MEOX2: variants seen among roughly 807,000 people sequenced by gnomAD.
MEOX2 encodes mesenchyme homeobox 2.
A neutral mutation model predicts 27.0 loss-of-function variants in MEOX2; 11 were observed. That is an observed-to-expected ratio of 0.41 (90% CI 0.26 to 0.68). The LOEUF is 0.68. Ranked by LOEUF, MEOX2 falls within the 30% of genes least tolerant of loss-of-function variation. MEOX2 has a pLI of 0.33. For synonymous variants in MEOX2, 189 were observed against 155.4 expected (o/e 1.22, Z -1.61); for missense variants, 436 against 385.4 (o/e 1.13, Z -1.10).
chr7:15,629,666 G>A (rs1049958649), intron 1 of MEOX2, among the ~76,000 whole-genome samples: 5 of 152,108 alleles, frequency 3.3e-5, no homozygotes, highest in Non-Finnish European at 7.4e-5. Flanking sequence ...TACCCTTGTA[G>A]TGTGGTTTCC....
chr7:15,642,469 T>C (rs966145420), intron 1 of MEOX2, among the ~76,000 whole-genome samples: 4 of 152,194 alleles, frequency 2.6e-5, no homozygotes, highest in African/African-American at 9.6e-5. Flanking sequence ...AAAGTTTCTA[T>C]TTTGCTTTTC....
Position 15,658,750 on chromosome 7 carries a change from G to A in MEOX2, c.517+27136C>T, listed in dbSNP as rs1294875904. On this transcript the variant is annotated intron_variant, in intron 1 of 2. Transcript: ENST00000262041. The stretch of plus-strand genomic sequence containing the variant: ...TGCAAGAGAAATGGTCTCTCTGCAT[G>A]TGAGGACATAGTGAGAAGAAACCAT... 2.0e-5 allele frequency among the ~76,000 whole-genome samples: 3 copies of A among 152,294 alleles called. No individual in the cohort carries two copies. In the East Asian group the frequency reaches 5.8e-4, roughly 29 times the overall value.
At chr7:15,623,219 G>A (rs183524116) in intron 2 of MEOX2, among the ~76,000 whole-genome samples, 7 of 152,270 alleles carry the variant, frequency 4.6e-5, no homozygotes, top group African/African-American at 1.2e-4. Flanking sequence ...ACTGGGATGA[G>A]AGCCCTGGCA....
chr7:15,635,435 C>T (rs1026045871), intron 1 of MEOX2, among the ~76,000 whole-genome samples: 3 of 151,942 alleles, frequency 2.0e-5, no homozygotes, highest in African/African-American at 4.8e-5. Flanking sequence ...TAAGAGCATC[C>T]TCTCTGCTCC....
chr7:15,641,692 A>T (rs1009540585), intron 1 of MEOX2, among the ~76,000 whole-genome samples: 2 of 152,078 alleles, frequency 1.3e-5, no homozygotes, highest in East Asian at 3.9e-4. Context: ...CCAATTGTGT[A>T]ATTGCTTCAT....
chr7:15,672,492 C>T (rs1782115698), intron 1 of MEOX2, among the ~76,000 whole-genome samples: 1 of 152,156 alleles, frequency 6.6e-6, no homozygotes, highest in South Asian at 2.1e-4. Context: ...GATTGTTTTG[C>T]TGGTTTATGC....
intron 1 of MEOX2, among the ~76,000 whole-genome samples, chr7:15,645,654 T>G (rs912802981): frequency 3.9e-5 from 6 of 152,156 alleles, no homozygotes; most frequent in African/African-American, 1.4e-4. Flanking sequence ...GTACCTGAAT[T>G]ATCTGGGGAC....
chr7:15,614,085 C>A (rs959470008), intron 2 of MEOX2, among the ~76,000 whole-genome samples: 2 of 150,566 alleles, frequency 1.3e-5, no homozygotes, highest in African/African-American at 2.4e-5. Context: ...TTTGTGTTTT[C>A]TTTTTCTAAA....
chr7:15,620,525 A>C (rs1453164684), intron 2 of MEOX2, among the ~76,000 whole-genome samples: 1 of 152,112 alleles, frequency 6.6e-6, no homozygotes. Flanking sequence ...GTGAGCCGAG[A>C]TCAAGCCACT....
At chr7:15,652,744 T>G (rs947627295) in intron 1 of MEOX2, among the ~76,000 whole-genome samples, 1 of 151,982 alleles carries the variant, frequency 6.6e-6, no homozygotes, top group African/African-American at 2.4e-5. Flanking sequence ...CTTTGGGGAA[T>G]GACTTTTTTC....
chr7:15,631,906 A>ATG (rs146116757), intron 1 of MEOX2, among the ~76,000 whole-genome samples: 1,784 of 129,420 alleles, frequency 0.014, 20 homozygotes, highest in African/African-American at 0.017. Flanking sequence ...CCAAGGTTAA[A>ATG]TGTGTGTGTG....
chr7:15,634,475 G>A (rs1460907105), intron 1 of MEOX2, among the ~76,000 whole-genome samples: 2 of 151,900 alleles, frequency 1.3e-5, no homozygotes, highest in African/African-American at 4.8e-5. Context: ...ATTACACAAA[G>A]CATACTTGTA....
intron 2 of MEOX2, among the ~76,000 whole-genome samples, chr7:15,621,995 G>A (rs1467458371): frequency 6.6e-6 from 1 of 152,036 alleles, no homozygotes; most frequent in Non-Finnish European, 1.5e-5. Flanking sequence ...GCAGGTGCCT[G>A]TAATCCCAGC....
chr7:15,629,947 C>T (rs181443019), intron 1 of MEOX2, among the ~76,000 whole-genome samples: 15 of 152,098 alleles, frequency 9.9e-5, no homozygotes, highest in East Asian at 7.7e-4. Flanking sequence ...AGGCAAAAGT[C>T]CCTCCCTTTT....
intron 2 of MEOX2, among the ~76,000 whole-genome samples, chr7:15,616,920 A>C (rs950469995): frequency 2.0e-5 from 3 of 152,006 alleles, no homozygotes; most frequent in African/African-American, 7.2e-5. Context: ...AATGGAGGAA[A>C]TGTAAATGTA....
intron 1 of MEOX2, chr7:15,667,902 G>A (rs1389954535): frequency 6.6e-6 from 1 of 152,214 alleles, no homozygotes; most frequent in Non-Finnish European, 1.5e-5. Context: ...CATTGTGTGT[G>A]TGCCTCTTGT....
Position 15,642,568 on chromosome 7 carries a change from T to A in MEOX2, c.518-15650A>T, listed in dbSNP as rs927842149. 7.2e-5 allele frequency among the ~76,000 whole-genome samples: 11 copies of A among 152,222 alleles called. 1 individual carries two copies. Among genetic ancestry groups the A allele is most frequent in the Admixed American group, 5.9e-4 (9 of 15,282 alleles). On this transcript the variant is annotated intron_variant, in intron 1 of 2. Coordinates refer to ENST00000262041, the MANE Select transcript of MEOX2 (RefSeq NM_005924.5). ...TCAACTTCCTTTTGGATCTTATTGA[T>A]CTTGCTTACAATCCATATTTTGAAT...
Position 15,612,365 on chromosome 7 carries a change from T to G in MEOX2, c.*22A>C. ...CATCACAACATTTCTTTCCTGAGAA[T>G]GGAGCTGGTCCTCTGTTTATATCAT... On this transcript the variant is annotated 3_prime_UTR_variant, in exon 3 of 3. Coordinates refer to ENST00000262041, the MANE Select transcript of MEOX2 (RefSeq NM_005924.5). 9 of 1,591,200 alleles carry G rather than the reference T, an allele frequency of 5.7e-6. No homozygotes were observed. Among genetic ancestry groups the G allele is most frequent in the Non-Finnish European group, 6.9e-6 (8 of 1,159,766 alleles).
intron 1 of MEOX2, among the ~76,000 whole-genome samples, chr7:15,649,202 A>G (rs1209855030): frequency 3.9e-5 from 6 of 152,070 alleles, no homozygotes; most frequent in Non-Finnish European, 8.8e-5. Context: ...CATGAATTCC[A>G]CTCAACAAAT....
Sources: allele counts gnomAD v4.1 joint callset (sites outside exome capture counted in the v4.1 genomes callset), GRCh38; gene constraint gnomAD v4.1.1; transcripts MANE v1.5; gene names NCBI Gene and HGNC (gene_info 2026-07-23, HGNC 2026-07-21).